Variants in CNTN4 observed in about 807,000 individuals in gnomAD.
CNTN4 encodes the protein contactin-4.
Under a neutral mutation model 122.5 loss-of-function variants are expected in CNTN4, and 77 were observed. The ratio of observed to expected loss-of-function variants is 0.63; its 90% CI spans 0.52 to 0.76. The LOEUF (loss-of-function observed/expected upper bound fraction) is 0.76. Ranked by LOEUF, CNTN4 falls within the 30% of genes least tolerant of loss-of-function variation. The pLI is 0.00. For missense variants in CNTN4, 1,256 were observed against 1,259.1 expected, an observed-to-expected ratio of 1.00 and a Z score of 0.04; for synonymous variants, 512 against 447.0, an observed-to-expected ratio of 1.15 and a Z score of -1.83.
At chr3:2,949,664 C>G (rs1318863318) in intron 13 of CNTN4, among the ~76,000 whole-genome samples, 2 of 152,178 alleles carry the variant, frequency 1.3e-5, no homozygotes, top group African/African-American at 2.4e-5. Flanking sequence ...TCTCTAGACC[C>G]CCAGAGCTAC....
chr3:2,818,094 T>C (rs914673150), intron 6 of CNTN4, among the ~76,000 whole-genome samples: 5 of 152,226 alleles, frequency 3.3e-5, no homozygotes, highest in South Asian at 2.1e-4. Context: ...TTAGGTGTTA[T>C]GTGTCAGACC....
rs562250064 is a variant in CNTN4 at position 2,410,964 on chromosome 3, C to T, written c.-89+71731C>T. 1.6e-4 allele frequency among the ~76,000 whole-genome samples: 24 copies of T among 152,288 alleles called. 1 individual carries two copies. Among genetic ancestry groups the T allele is most frequent in the Admixed American group, 1.0e-3 (16 of 15,298 alleles). On this transcript the variant is annotated intron_variant, in intron 3 of 24. Coordinates refer to ENST00000418658, the MANE Select transcript of CNTN4 (RefSeq NM_175607.3). ...TTAGTTTTGCTCTTAACTGTAGTCT[C>T]ATGTGTTCAGAATGAGCACCAGCCA... is the stretch of plus-strand genomic sequence containing the variant.
At chr3:2,231,094 TAATA>T (rs2039468098) in intron 2 of CNTN4, among the ~76,000 whole-genome samples, 1 of 152,248 alleles carries the variant, frequency 6.6e-6, no homozygotes, top group Non-Finnish European at 1.5e-5. Context: ...AAATTTACTT[TAATA>T]AATCATTTTA....
intron 3 of CNTN4, among the ~76,000 whole-genome samples, chr3:2,457,625 T>C (rs1255432937): frequency 1.3e-5 from 2 of 152,166 alleles, no homozygotes; most frequent in Non-Finnish European, 2.9e-5. Context: ...TTAAGCTCAT[T>C]CAGCAGGTGT....
At chr3:2,971,354 A>G (rs773240738) in intron 13 of CNTN4, among the ~76,000 whole-genome samples, 50 of 71,334 alleles carry the variant, frequency 7.0e-4, no homozygotes, top group Non-Finnish European at 1.1e-3. Context: ...CTGTCTGTCT[A>G]TCTATCTATC....
intron 2 of CNTN4, among the ~76,000 whole-genome samples, chr3:2,291,735 AT>A (rs2042142527): frequency 6.6e-6 from 1 of 151,204 alleles, no homozygotes; most frequent in Non-Finnish European, 1.5e-5. Context: ...ATTTTATTTT[AT>A]TTATTAACTT....
chr3:2,230,795 G>A (rs781756421), intron 2 of CNTN4, among the ~76,000 whole-genome samples: 1 of 151,870 alleles, frequency 6.6e-6, no homozygotes, highest in Non-Finnish European at 1.5e-5. Flanking sequence ...GACCAGCATG[G>A]GCAACATAGC....
intron 4 of CNTN4, among the ~76,000 whole-genome samples, chr3:2,697,031 C>A (rs1350828673): frequency 6.6e-6 from 1 of 152,136 alleles, no homozygotes; most frequent in Non-Finnish European, 1.5e-5. Flanking sequence ...TATCACTTAC[C>A]AAAGCTCACC....
Position 3,034,736 on chromosome 3 carries a change from T to C in CNTN4, c.1888T>C (p.Tyr630His), listed in dbSNP as rs149746137. 3.2e-5 allele frequency: 51 copies of C among 1,613,872 alleles called. No homozygotes were observed. In the African/African-American group the frequency reaches 5.7e-4, roughly 18 times the overall value. Residue 630 changes from tyrosine to histidine, a missense_variant, in exon 17 of 25, where the codon TAT becomes CAT. Transcript: ENST00000418658. ...TGACAACCACAGCCCCATCACCATG[T>C]ATGTCATTCAAGCCAGGACTCCATT... The part of the protein sequence containing the change: ...GPDNHSPITM[Y>H]VIQARTPFSV...
chr3:2,666,843 T>C (rs903410284), intron 4 of CNTN4, among the ~76,000 whole-genome samples: 10 of 150,598 alleles, frequency 6.6e-5, no homozygotes, highest in African/African-American at 1.5e-4. Context: ...ACACGGTGTT[T>C]GGTTTTTTGT....
At chr3:2,109,744 C>T (rs1158478175) in intron 2 of CNTN4, among the ~76,000 whole-genome samples, 1 of 152,130 alleles carries the variant, frequency 6.6e-6, no homozygotes, top group Non-Finnish European at 1.5e-5. Flanking sequence ...GATGGGTCTT[C>T]AACTATTAAT....
intron 4 of CNTN4, among the ~76,000 whole-genome samples, chr3:2,574,140 T>C (rs1007117556): frequency 3.9e-5 from 6 of 152,124 alleles, no homozygotes; most frequent in Non-Finnish European, 8.8e-5. Flanking sequence ...CGCCTGAACC[T>C]GGGAGGCGGA....
At chr3:3,010,964 T>A (rs942599925) in intron 14 of CNTN4, among the ~76,000 whole-genome samples, 6 of 152,164 alleles carry the variant, frequency 3.9e-5, no homozygotes, top group Non-Finnish European at 7.3e-5. Context: ...AAAGAATTGC[T>A]CCTCTGAAGT....
intron 4 of CNTN4, among the ~76,000 whole-genome samples, chr3:2,645,015 A>G (rs758653459): frequency 2.0e-5 from 3 of 151,828 alleles, no homozygotes; most frequent in Non-Finnish European, 4.4e-5. Flanking sequence ...GGTGTGGAGG[A>G]GCATTGCTTG....
intron 4 of CNTN4, among the ~76,000 whole-genome samples, chr3:2,611,313 G>GAAAAAAAAA (rs1370397110): frequency 8.8e-6 from 1 of 113,582 alleles, no homozygotes; most frequent in Non-Finnish European, 1.7e-5. Context: ...AAAAAAAAAA[G>GAAAAAAAAA]AAAGAAAGAA....
intron 14 of CNTN4, among the ~76,000 whole-genome samples, chr3:3,011,589 G>A (rs1004555479): frequency 6.6e-6 from 1 of 152,138 alleles, no homozygotes; most frequent in South Asian, 2.1e-4. Context: ...GCAAATAAAT[G>A]TCTATGTACA....
chr3:2,567,350 T>C (rs1387908735), intron 3 of CNTN4, among the ~76,000 whole-genome samples: 1 of 148,508 alleles, frequency 6.7e-6, no homozygotes, highest in Non-Finnish European at 1.5e-5. Flanking sequence ...CCTCCCAAAG[T>C]GCTGGGATTA....
At chr3:2,172,806 GTAAAA>G (rs2036574645) in intron 2 of CNTN4, among the ~76,000 whole-genome samples, 2 of 152,140 alleles carry the variant, frequency 1.3e-5, no homozygotes, top group South Asian at 4.1e-4. Context: ...GCAAGAGGTA[GTAAAA>G]ACCTGGATTG....
intron 14 of CNTN4, among the ~76,000 whole-genome samples, chr3:3,008,277 T>A (rs1484234682): frequency 6.6e-6 from 1 of 151,996 alleles, no homozygotes; most frequent in Non-Finnish European, 1.5e-5. Context: ...ATAGAGCAAG[T>A]CAAGCAGAAA....
Sources: gnomAD v4.1 joint callset for allele counts (sites outside exome capture counted in the v4.1 genomes callset) on GRCh38, gnomAD v4.1.1 for gene constraint, MANE v1.5 for transcripts, NCBI Gene and HGNC (gene_info 2026-07-23, HGNC 2026-07-21) for gene names.